TMEM135: variants seen among roughly 807,000 people sequenced by gnomAD.
TMEM135 encodes transmembrane protein 135.
In TMEM135, 30 loss-of-function variants were observed where a neutral mutation model predicts 60.3. The ratio of observed to expected loss-of-function variants is 0.50; its 90% confidence interval spans 0.37 to 0.68. The LOEUF is 0.68. Ranked by LOEUF, TMEM135 falls within the 30% of genes least tolerant of loss-of-function variation. The pLI, the probability that TMEM135 is intolerant of heterozygous loss-of-function variation, is 0.00. For missense variants in TMEM135, 468 were observed against 548.8 expected, an observed-to-expected ratio of 0.85 and a Z score of 1.47; for synonymous variants, 190 against 186.7, an observed-to-expected ratio of 1.02 and a Z score of -0.14.
chr11:87,222,875 C>T (rs1428746316), intron 5 of TMEM135, among the ~76,000 whole-genome samples: 1 of 152,016 alleles, frequency 6.6e-6, no homozygotes, highest in Non-Finnish European at 1.5e-5. Flanking sequence ...AATCTATAAA[C>T]TGTTAAAATA....
rs748269676 is a variant in TMEM135, at chr11:87,319,416, G to GTTGCTTCTT, written c.1244+39_1244+40insTTGCTTCTT. 17 of 1,428,858 alleles carry GTTGCTTCTT rather than the reference G, an allele frequency of 1.2e-5. No homozygotes were observed. The African/African-American group carries it at 2.2e-4, about 18-fold the overall frequency. The allele number at this position is 1,428,858 out of a possible 1,614,324, so 88.5% of individuals were successfully genotyped here. ...TAGTTTTCTTAAAAATATTATGAGT[G>GTTGCTTCTT]GTTTTATCTTTTTGAGGGAATATTC... On this transcript the variant is annotated intron_variant, in intron 14 of 14. Transcript: ENST00000305494.
intron 4 of TMEM135, among the ~76,000 whole-genome samples, chr11:87,148,498 T>G (rs1173559041): frequency 6.6e-6 from 1 of 152,178 alleles, no homozygotes; most frequent in Non-Finnish European, 1.5e-5. Context: ...AATTTGATCC[T>G]CTGATTGCCT....
At position 87,100,822 on chromosome 11, in the gene TMEM135, A is replaced by G. The variant is rs568730460; in HGVS notation, c.396+9427A>G. On this transcript the variant is annotated intron_variant, in intron 4 of 14. Transcript: ENST00000305494. Reference sequence around the variant, plus strand: ...GGTTGCAGTAAGCCAAGATTGCGTCAGTGCACTCCAGCCTTTGCAACAGAG... The same window carrying G: ...GGTTGCAGTAAGCCAAGATTGCGTCGGTGCACTCCAGCCTTTGCAACAGAG... Among the ~76,000 whole-genome samples the G allele has an allele frequency of 2.0e-5, 3 of 152,270 alleles. No homozygotes were observed. In the South Asian group the frequency reaches 6.2e-4, roughly 32 times the overall value.
chr11:87,157,198 C>A, intron 4 of TMEM135, 143 bp from the exon 5 acceptor site: 2 of 706,796 alleles, frequency 2.8e-6, no homozygotes, highest in Non-Finnish European at 4.9e-6. Context: ...GGACTATAGG[C>A]ATATACAACT....
At chr11:87,148,102 T>C (rs899915573) in intron 4 of TMEM135, among the ~76,000 whole-genome samples, 6 of 152,216 alleles carry the variant, frequency 3.9e-5, no homozygotes, top group South Asian at 4.1e-4. Context: ...TATTTCCCTC[T>C]GTCACTGACA....
intron 6 of TMEM135, among the ~76,000 whole-genome samples, chr11:87,248,925 A>G (rs1941354901): frequency 1.3e-5 from 2 of 152,176 alleles, no homozygotes; most frequent in Admixed American, 1.3e-4. Flanking sequence ...TTGTTGGGAT[A>G]TAGAAATGCT....
chr11:87,289,520 G>A (rs563598768), intron 6 of TMEM135, among the ~76,000 whole-genome samples: 8 of 138,070 alleles, frequency 5.8e-5, no homozygotes, highest in Non-Finnish European at 9.0e-5. Flanking sequence ...GCAGTGGTGC[G>A]ATCTCAGCTC....
intron 4 of TMEM135, among the ~76,000 whole-genome samples, chr11:87,118,027 C>T (rs918763635): frequency 2.6e-5 from 4 of 152,168 alleles, no homozygotes; most frequent in Non-Finnish European, 4.4e-5. Context: ...CTTGTACATC[C>T]AACCTCTTGG....
At chr11:87,283,648 A>G (rs1307198741) in intron 6 of TMEM135, among the ~76,000 whole-genome samples, 1 of 152,144 alleles carries the variant, frequency 6.6e-6, no homozygotes, top group African/African-American at 2.4e-5. Context: ...TCATGCAGCC[A>G]GGAGTTCAAG....
At chr11:87,216,354 CT>C (rs372292618) in intron 5 of TMEM135, among the ~76,000 whole-genome samples, 5 of 149,420 alleles carry the variant, frequency 3.3e-5, no homozygotes, top group East Asian at 1.9e-4. Context: ...GCCTCTGAAC[CT>C]TTTTTTTTTC....
chr11:87,310,554 T>A (rs192907403), intron 10 of TMEM135, among the ~76,000 whole-genome samples: 190 of 151,134 alleles, frequency 1.3e-3, no homozygotes, highest in African/African-American at 4.4e-3. Context: ...CCCAAACCTC[T>A]GCACCACACA....
At chr11:87,198,852 A>C (rs1198078526) in intron 5 of TMEM135, among the ~76,000 whole-genome samples, 1 of 152,066 alleles carries the variant, frequency 6.6e-6, no homozygotes, top group Non-Finnish European at 1.5e-5. Flanking sequence ...CTGAGTTCCT[A>C]GTTTTATAAA....
At chr11:87,124,537 T>C (rs1937667174) in intron 4 of TMEM135, among the ~76,000 whole-genome samples, 1 of 152,122 alleles carries the variant, frequency 6.6e-6, no homozygotes, top group Non-Finnish European at 1.5e-5. Flanking sequence ...ATAACTCAGT[T>C]TTTTTTCAAT....
intron 5 of TMEM135, among the ~76,000 whole-genome samples, chr11:87,181,843 G>T (rs887318070): frequency 3.9e-5 from 6 of 151,984 alleles, no homozygotes; most frequent in African/African-American, 1.4e-4. Context: ...GAAGATTAAG[G>T]TGCACAATTA....
At chr11:87,310,165 G>GT (rs1218573304) in intron 10 of TMEM135, among the ~76,000 whole-genome samples, 1 of 150,192 alleles carries the variant, frequency 6.7e-6, no homozygotes, top group African/African-American at 2.5e-5. Flanking sequence ...CCCACTCACA[G>GT]TTCCTACTAC....
intron 6 of TMEM135, among the ~76,000 whole-genome samples, chr11:87,256,076 C>T (rs1192757248): frequency 1.3e-5 from 2 of 152,134 alleles, no homozygotes; most frequent in South Asian, 4.1e-4. Flanking sequence ...GGGTAGATTA[C>T]TCCCTGTCTC....
intron 5 of TMEM135, among the ~76,000 whole-genome samples, chr11:87,186,660 C>T (rs1939661581): frequency 6.6e-6 from 1 of 152,054 alleles, no homozygotes; most frequent in African/African-American, 2.4e-5. Flanking sequence ...TTGAATAATT[C>T]ACATTGTAAT....
intron 5 of TMEM135, among the ~76,000 whole-genome samples, chr11:87,167,338 C>A (rs750392954): frequency 6.6e-6 from 1 of 152,154 alleles, no homozygotes; most frequent in Admixed American, 6.5e-5. Context: ...ACTTCCAATA[C>A]TATGTTGAAT....
At chr11:87,059,763 T>G (rs1022940168) in intron 1 of TMEM135, among the ~76,000 whole-genome samples, 4 of 152,252 alleles carry the variant, frequency 2.6e-5, no homozygotes, top group African/African-American at 9.6e-5. Flanking sequence ...GCCTACTATG[T>G]GCTAGTTACT....
Sources: gnomAD v4.1 joint callset for allele counts (sites outside exome capture counted in the v4.1 genomes callset) on GRCh38, gnomAD v4.1.1 for gene constraint, MANE v1.5 for transcripts, NCBI Gene and HGNC (gene_info 2026-07-23, HGNC 2026-07-21) for gene names.